BCKDHB: variants seen among roughly 807,000 people sequenced by gnomAD.
The protein encoded by BCKDHB is branched chain keto acid dehydrogenase E1 subunit beta.
BCKDHB carries 41 observed loss-of-function variants against 48.5 expected under a neutral mutation model. That is an observed-to-expected ratio of 0.85 (90% confidence interval 0.66 to 1.10). BCKDHB has a LOEUF of 1.10. Among genes scored for constraint, BCKDHB ranks in the 50% least tolerant of loss-of-function variants. The probability of loss-of-function intolerance (pLI) is 0.00; values close to 1 mark genes in which losing one functional copy is unlikely to be tolerated. For missense variants in BCKDHB, 496 were observed against 494.2 expected (o/e 1.00, Z -0.03); for synonymous variants, 201 against 174.8 (o/e 1.15, Z -1.18).
At chr6:80,463,703 A>G in the BCKDHB span, among the ~76,000 whole-genome samples, 1 of 152,184 alleles carries the variant, frequency 6.6e-6, no homozygotes, top group Non-Finnish European at 1.5e-5. Context: ...TCAAGGCTTA[A>G]AAGAAAAACA....
chr6:80,365,127 C>G, the BCKDHB span, among the ~76,000 whole-genome samples: 1 of 152,134 alleles, frequency 6.6e-6, no homozygotes, highest in Non-Finnish European at 1.5e-5. Flanking sequence ...TCTGAGGGAA[C>G]AGGACAAAAG....
rs10651030 is a variant in BCKDHB, at chr6:80,197,934, T to TCATCCATCCATCCATC, written c.743-2970_743-2955dup. On this transcript the variant is annotated intron_variant, in intron 6 of 9. Transcript: ENST00000320393. Reference sequence around the variant, plus strand: ...CCCGTCCATTGATCTATCCATCTGTTCATCCATCCATCCATCCATCCATCC... The same window carrying TCATCCATCCATCCATC: ...CCCGTCCATTGATCTATCCATCTGTTCATCCATCCATCCATCCATCCATCCATCCATCCATCCATCC... Among the ~76,000 whole-genome samples the TCATCCATCCATCCATC allele has an allele frequency of 1.6e-3, 232 of 148,976 alleles. 1 individual carries two copies. The highest frequency in any genetic ancestry group is 9.8e-3 in the East Asian group (49 of 5,010).
chr6:80,294,387 C>T (rs933421753), intron 9 of BCKDHB, among the ~76,000 whole-genome samples: 2 of 152,066 alleles, frequency 1.3e-5, no homozygotes, highest in African/African-American at 4.8e-5. Context: ...AATATGAAAT[C>T]AGTGCACCTT....
chr6:80,200,744 G>A (rs1478682760), intron 6 of BCKDHB, among the ~76,000 whole-genome samples, 190 bp from the exon 7 acceptor site: 1 of 151,598 alleles, frequency 6.6e-6, no homozygotes, highest in Non-Finnish European at 1.5e-5. Flanking sequence ...CATTTATATT[G>A]CATTTATTCA....
intron 9 of BCKDHB, among the ~76,000 whole-genome samples, chr6:80,332,749 T>G (rs2322749): frequency 0.78 from 115,822 of 149,410 alleles, 45,269 homozygotes; most frequent in Admixed American, 0.84. Flanking sequence ...TCCTACCATA[T>G]GTTCACCATC....
At chr6:80,289,259 T>A (rs555989316) in intron 9 of BCKDHB, among the ~76,000 whole-genome samples, 3 of 152,180 alleles carry the variant, frequency 2.0e-5, no homozygotes, top group Admixed American at 2.0e-4. Context: ...ATAGCCATTT[T>A]AAAATTGATT....
At chr6:80,414,641 C>T in the BCKDHB span, among the ~76,000 whole-genome samples, 1 of 152,070 alleles carries the variant, frequency 6.6e-6, no homozygotes, top group Non-Finnish European at 1.5e-5. Flanking sequence ...ATACCAGCAC[C>T]ACGTTGTTTT....
intron 9 of BCKDHB, among the ~76,000 whole-genome samples, chr6:80,283,473 C>A (rs752465839): frequency 6.6e-6 from 1 of 152,058 alleles, no homozygotes; most frequent in Non-Finnish European, 1.5e-5. Context: ...ATACCAAGCT[C>A]CTCTACTCTT....
chr6:80,305,336 C>A (rs901280267), intron 9 of BCKDHB, among the ~76,000 whole-genome samples: 1 of 151,768 alleles, frequency 6.6e-6, no homozygotes, highest in Admixed American at 6.6e-5. Context: ...CAGATAGATT[C>A]ATTGCAATAT....
the BCKDHB span, among the ~76,000 whole-genome samples, chr6:80,357,142 G>A: frequency 6.6e-6 from 1 of 152,004 alleles, no homozygotes; most frequent in Admixed American, 6.6e-5. Flanking sequence ...TTTAATAATG[G>A]GACTCTTTGC....
intron 3 of BCKDHB, among the ~76,000 whole-genome samples, chr6:80,135,459 G>A (rs893399155): frequency 1.3e-5 from 2 of 151,978 alleles, no homozygotes; most frequent in African/African-American, 4.8e-5. Flanking sequence ...GTGAAAACAG[G>A]TATTAATAAG....
At chr6:80,291,043 G>A (rs913739658) in intron 9 of BCKDHB, among the ~76,000 whole-genome samples, 3 of 152,172 alleles carry the variant, frequency 2.0e-5, no homozygotes, top group Admixed American at 2.0e-4. Context: ...TAATCAGCAA[G>A]GTCTTTATAA....
At chr6:80,321,514 T>C (rs1768718764) in intron 9 of BCKDHB, among the ~76,000 whole-genome samples, 2 of 152,210 alleles carry the variant, frequency 1.3e-5, no homozygotes, top group African/African-American at 4.8e-5. Context: ...ATTCCTTATG[T>C]GTGAGGCTGA....
intron 1 of BCKDHB, among the ~76,000 whole-genome samples, chr6:80,115,217 T>C (rs1769624485): frequency 6.6e-6 from 1 of 152,028 alleles, no homozygotes; most frequent in Non-Finnish European, 1.5e-5. Context: ...ACAATCATCA[T>C]GTAGTACAAC....
At chr6:80,359,314 T>A in the BCKDHB span, among the ~76,000 whole-genome samples, 1 of 152,132 alleles carries the variant, frequency 6.6e-6, no homozygotes, top group East Asian at 1.9e-4. Flanking sequence ...TGCCTCCACC[T>A]ACTGTGTGCC....
the BCKDHB span, among the ~76,000 whole-genome samples, chr6:80,448,103 G>C: frequency 6.6e-6 from 1 of 152,130 alleles, no homozygotes; most frequent in African/African-American, 2.4e-5. Context: ...TATCTGAAGA[G>C]ATACCTTTAA....
the BCKDHB span, among the ~76,000 whole-genome samples, chr6:80,392,271 G>A: frequency 3.3e-5 from 5 of 152,266 alleles, no homozygotes; most frequent in South Asian, 1.0e-3. Flanking sequence ...TGGGAGTATA[G>A]GAGTGAGTCA....
At chr6:80,325,638 A>G (rs1458414139) in intron 9 of BCKDHB, among the ~76,000 whole-genome samples, 1 of 152,214 alleles carries the variant, frequency 6.6e-6, no homozygotes, top group Non-Finnish European at 1.5e-5. Context: ...ATTCTTAAGA[A>G]ATGATTTGGT....
At chr6:80,400,549 T>C in the BCKDHB span, among the ~76,000 whole-genome samples, 5 of 151,950 alleles carry the variant, frequency 3.3e-5, no homozygotes, top group Admixed American at 1.3e-4. Context: ...AGAATGGCTA[T>C]TAGTAAAAAG....
Sources: allele counts gnomAD v4.1 joint callset (sites outside exome capture counted in the v4.1 genomes callset), GRCh38; gene constraint gnomAD v4.1.1; transcripts MANE v1.5; gene names NCBI Gene and HGNC (gene_info 2026-07-23, HGNC 2026-07-21).